Variants in ADGRD1 observed in about 807,000 individuals in gnomAD.
ADGRD1 encodes G-protein coupled receptor 133.
Under a neutral mutation model 113.4 loss-of-function variants are expected in ADGRD1, and 77 were observed. The observed-to-expected ratio is 0.68, with a 90% CI of 0.57 to 0.82. ADGRD1 has a LOEUF of 0.82. Among genes scored for constraint, ADGRD1 ranks in the 40% least tolerant of loss-of-function variants. The pLI is 0.00. For synonymous variants in ADGRD1, 474 were observed against 475.0 expected (o/e 1.00, Z 0.03); for missense variants, 1,036 against 1,139.1 (o/e 0.91, Z 1.30).
intron 13 of ADGRD1, among the ~76,000 whole-genome samples, chr12:131,017,596 C>T: frequency 6.6e-6 from 1 of 151,716 alleles, no homozygotes. Context: ...CACACACTCC[C>T]AGCACAGACA....
chr12:131,056,651 A>G (rs1384797343), intron 13 of ADGRD1, among the ~76,000 whole-genome samples: 1 of 152,230 alleles, frequency 6.6e-6, no homozygotes, highest in African/African-American at 2.4e-5. Context: ...TTCCATGAGC[A>G]AGAGGCATCT....
intron 14 of ADGRD1, among the ~76,000 whole-genome samples, chr12:131,081,056 G>A (rs922549183): frequency 3.3e-5 from 5 of 152,074 alleles, no homozygotes; most frequent in South Asian, 2.1e-4. Context: ...GGAAATATGC[G>A]TTACTTTGAA....
chr12:131,038,582 G>T (rs1374842912), intron 13 of ADGRD1, among the ~76,000 whole-genome samples: 1 of 152,234 alleles, frequency 6.6e-6, no homozygotes, highest in Admixed American at 6.5e-5. Flanking sequence ...TGCCCCTGGG[G>T]CTCAGCCACT....
At chr12:131,047,985 CAG>C (rs377365679) in intron 13 of ADGRD1, among the ~76,000 whole-genome samples, 8 of 152,326 alleles carry the variant, frequency 5.3e-5, no homozygotes, top group African/African-American at 1.9e-4. Context: ...TCCCATGTCA[CAG>C]GGGTGAGATG....
rs146310036 is a variant in ADGRD1, at chr12:130,987,199, C to T, written c.595C>T (p.Arg199Cys). Reference sequence around the variant, plus strand: ...CTCTGATCCGAGTGGAAAAGTGTCTCGTGACTATGGAGAGTCCAACGTCAA... The same window carrying T: ...CTCTGATCCGAGTGGAAAAGTGTCTTGTGACTATGGAGAGTCCAACGTCAA... ...STSDPSGKVS[R>C]DYGESNVNLV... is the part of the protein sequence containing the mutation. The change falls in exon 6 of 25, where the codon CGT becomes TGT. Residue 199 changes from arginine (R) to cysteine (C), a missense_variant. By Grantham distance (180) the Arg-to-Cys change is radical. Coordinates refer to ENST00000261654, the MANE Select transcript of ADGRD1 (RefSeq NM_198827.5). 6.2e-5 allele frequency: 100 copies of T among 1,614,184 alleles called. No homozygotes were observed. In the African/African-American group the frequency reaches 8.0e-4, roughly 13 times the overall value.
rs115839813 is a variant in ADGRD1 at position 131,071,661 on chromosome 12, C to T, written c.1474-5140C>T. On this transcript the variant is annotated intron_variant, in intron 13 of 24. Transcript: ENST00000261654. Reference sequence around the variant, plus strand: ...TGGGCCACAGAGGGCAACTTGTGCACGCACTGGCGGGTCCTATGTGTCCAG... The same window carrying T: ...TGGGCCACAGAGGGCAACTTGTGCATGCACTGGCGGGTCCTATGTGTCCAG... Among the ~76,000 whole-genome samples the T allele has an allele frequency of 6.3e-3, 965 of 152,326 alleles. 11 individuals are homozygous for T. Among genetic ancestry groups the T allele is most frequent in the African/African-American group, 0.022 (922 of 41,572 alleles).
intron 15 of ADGRD1, among the ~76,000 whole-genome samples, chr12:131,101,084 G>A (rs913780487): frequency 4.6e-5 from 7 of 152,162 alleles, no homozygotes; most frequent in Admixed American, 1.3e-4. Context: ...AGGGCTTCCC[G>A]TGTCCCTGGG....
rs1269280974 is a variant in ADGRD1 at position 131,065,943 on chromosome 12, G to A, written c.1474-10858G>A. Among the ~76,000 whole-genome samples the A allele has an allele frequency of 2.0e-5, 3 of 152,172 alleles. No homozygotes were observed. In the East Asian group the frequency reaches 5.8e-4, roughly 29 times the overall value. Reference sequence around the variant, plus strand: ...TCAGCCCTGGTCTTTGGGCCTCTCAGGAACGCTGGGGACCTTTTGAGCTGC... The same window carrying A: ...TCAGCCCTGGTCTTTGGGCCTCTCAAGAACGCTGGGGACCTTTTGAGCTGC... On this transcript the variant is annotated intron_variant, in intron 13 of 24. Coordinates refer to ENST00000261654, the MANE Select transcript of ADGRD1 (RefSeq NM_198827.5).
rs758598283 is a variant in ADGRD1, at chr12:130,954,650, G to C, written c.93G>C (p.Gln31His). ...FQVRGVYSRSQDHPGFQVLAS... is the reference protein window; with the variant it reads ...FQVRGVYSRSHDHPGFQVLAS... ...TGCGTGGCGTCTACTCCAGATCGCA[G>C]GACCATCCAGGTAAGAGTGTTTCCT... is the stretch of plus-strand genomic sequence containing the variant. Residue 31 changes from glutamine to histidine, a missense_variant, in exon 2 of 25, where the codon CAG becomes CAC. Physicochemically the swap from Gln to His is conservative, Grantham distance 24. Transcript: ENST00000261654. This position sits in a 1 kb window ranked among gnomAD's most constrained non-coding sequence, Gnocchi z 4.7. The C allele has an allele frequency of 6.2e-7, 1 of 1,613,098 alleles. No homozygotes were observed. Among genetic ancestry groups the C allele is most frequent in the African/African-American group, 1.3e-5 (1 of 74,916 alleles).
At chr12:131,086,079 C>T (rs1048367695) in intron 15 of ADGRD1, among the ~76,000 whole-genome samples, 1 of 152,158 alleles carries the variant, frequency 6.6e-6, no homozygotes, top group Non-Finnish European at 1.5e-5. Context: ...CTTGAACACC[C>T]GTCCCTGCCT....
intron 8 of ADGRD1, among the ~76,000 whole-genome samples, chr12:130,995,754 GTTTTA>G (rs1397558972): frequency 2.0e-5 from 3 of 151,180 alleles, no homozygotes; most frequent in Non-Finnish European, 4.4e-5. Flanking sequence ...TTTTCAACCT[GTTTTA>G]TTTTATTTTT....
intron 13 of ADGRD1, among the ~76,000 whole-genome samples, chr12:131,038,634 C>T (rs3847686): frequency 0.48 from 72,943 of 152,034 alleles, 18,518 homozygotes; most frequent in Non-Finnish European, 0.56. Context: ...CTCATCAGCA[C>T]GGGCTGTTTC....
chr12:131,138,812 G>T (rs1351654074), intron 24 of ADGRD1, among the ~76,000 whole-genome samples: 1 of 152,252 alleles, frequency 6.6e-6, no homozygotes, highest in Non-Finnish European at 1.5e-5. Context: ...AGCTGCGCCG[G>T]GTGTGTGGCA....
intron 9 of ADGRD1, among the ~76,000 whole-genome samples, chr12:131,000,658 T>C (rs1227465023): frequency 1.4e-5 from 2 of 147,410 alleles, no homozygotes; most frequent in East Asian, 2.0e-4. Flanking sequence ...GGAGAATTGC[T>C]GGAACCTGGG....
Position 131,022,365 on chromosome 12 carries a change from G to A in ADGRD1, c.1473+8025G>A, listed in dbSNP as rs1879420790. ...CTTCCTTCAGCTCATCTTCCTTCAT[G>A]AATTTCTACATTTTGATTGCTCTTG... On this transcript the variant is annotated intron_variant, in intron 13 of 24. Coordinates refer to ENST00000261654, the MANE Select transcript of ADGRD1 (RefSeq NM_198827.5). This position sits in a 1 kb window ranked among gnomAD's most constrained non-coding sequence, Gnocchi z 4.6. Among the ~76,000 whole-genome samples the A allele has an allele frequency of 6.6e-6, 1 of 152,144 alleles. No homozygotes were observed. The highest frequency in any genetic ancestry group is 6.5e-5 in the Admixed American group (1 of 15,274).
intron 13 of ADGRD1, among the ~76,000 whole-genome samples, chr12:131,020,899 A>G (rs1879242118): frequency 6.6e-6 from 1 of 152,170 alleles, no homozygotes; most frequent in Non-Finnish European, 1.5e-5. Context: ...ACAGCTTGTG[A>G]CTTTCGAAGA....
intron 6 of ADGRD1, 142 bp downstream of exon 6, chr12:130,987,491 A>T: frequency 1.2e-6 from 1 of 844,582 alleles, no homozygotes; most frequent in South Asian, 1.7e-5. Flanking sequence ...TTATAAACAC[A>T]GTTGTGTGTT....
chr12:131,078,041 C>T (rs1350160512), intron 14 of ADGRD1, among the ~76,000 whole-genome samples: 1 of 152,202 alleles, frequency 6.6e-6, no homozygotes, highest in Non-Finnish European at 1.5e-5. Context: ...TCCCCAACAC[C>T]TGGGCATCTT....
chr12:130,982,591 G>A (rs1189546086), intron 5 of ADGRD1, among the ~76,000 whole-genome samples: 2 of 151,994 alleles, frequency 1.3e-5, no homozygotes, highest in Admixed American at 6.6e-5. Context: ...AAAGCATGAC[G>A]AGAAGAAGCT....
Sources: gnomAD v4.1 joint callset for allele counts (sites outside exome capture counted in the v4.1 genomes callset) on GRCh38, gnomAD v4.1.1 for gene constraint, Gnocchi (gnomAD v3.1) non-coding constraint, MANE v1.5 for transcripts, NCBI Gene and HGNC (gene_info 2026-07-23, HGNC 2026-07-21) for gene names.